The following AIRE variants were observed in gnomAD, a reference collection of about 807,000 sequenced individuals.
The protein encoded by AIRE is autoimmune polyendocrinopathy candidiasis ectodermal dystrophy protein.
AIRE carries 52 observed loss-of-function variants against 62.1 expected under a neutral mutation model. That is an observed-to-expected ratio of 0.84 (90% CI 0.67 to 1.06). The LOEUF is 1.06. Ranked by LOEUF, AIRE falls within the 50% of genes least tolerant of loss-of-function variation. The pLI, the probability that AIRE is intolerant of heterozygous loss-of-function variation, is 0.00. For synonymous variants in AIRE, 342 were observed against 321.6 expected, an observed-to-expected ratio of 1.06 and a Z score of -0.68; for missense variants, 774 against 755.8, an observed-to-expected ratio of 1.02 and a Z score of -0.28.
Position 44,293,083 on chromosome 21 carries a change from C to T in AIRE, c.1186C>T (p.His396Tyr). Reference sequence around the variant, plus strand: ...CATGGACACGACTCTTGTCTACAAGCACCTGCCGGCTCCGCCTTCTGCAGC... The same window carrying T: ...CATGGACACGACTCTTGTCTACAAGTACCTGCCGGCTCCGCCTTCTGCAGC... ...AGMDTTLVYK[H>Y]LPAPPSAAPL... is the part of the protein sequence containing the mutation. Residue 396 changes from histidine to tyrosine, a missense_variant, in exon 10 of 14, where the codon CAC becomes TAC. By Grantham distance (83) the His-to-Tyr change is moderately conservative (BLOSUM62 2). Coordinates refer to ENST00000291582, the MANE Select transcript of AIRE (RefSeq NM_000383.4). 1.2e-6 allele frequency: 2 copies of T among 1,611,450 alleles called. No individual in the cohort carries two copies. The highest frequency in any genetic ancestry group is 8.5e-7 in the Non-Finnish European group (1 of 1,179,512).
Position 44,293,181 on chromosome 21 carries a change from C to T in AIRE, c.1278+6C>T, listed in dbSNP as rs372612211. On this transcript the variant is annotated splice_donor_region_variant and intron_variant, in intron 10 of 13. Coordinates refer to ENST00000291582, the MANE Select transcript of AIRE (RefSeq NM_000383.4). The stretch of plus-strand genomic sequence containing the variant: ...TGGGTCCTGAGGGTCAGCAGGTGAG[C>T]GGGGAGTGGGGGTCAGGGTGGGCTC... 3.6e-5 allele frequency: 56 copies of T among 1,548,510 alleles called. 1 individual carries two copies. Among genetic ancestry groups the T allele is most frequent in the East Asian group, 3.1e-4 (13 of 41,998 alleles).
chr21:44,291,910 T>C lies in AIRE; in HGVS notation c.996-392T>C, dbSNP rs138704900. 5.1e-4 allele frequency among the ~76,000 whole-genome samples: 77 copies of C among 152,292 alleles called. 1 individual carries two copies. The East Asian group carries it at 0.013, about 27-fold the overall frequency. On this transcript the variant is annotated intron_variant, in intron 8 of 13. Transcript: ENST00000291582. Reference sequence around the variant, plus strand: ...ATTGCTCGGCTCCTGAAGCCGTTCCTCCTTGCCGTCTCTTTCTGCCCTTGA... The same window carrying C: ...ATTGCTCGGCTCCTGAAGCCGTTCCCCCTTGCCGTCTCTTTCTGCCCTTGA...
chr21:44,289,224 C>A, intron 5 of AIRE: 1 of 197,480 alleles, frequency 5.1e-6, no homozygotes, highest in Non-Finnish European at 1.0e-5. Context: ...CTTGTGTCTC[C>A]CAGCTGCTGG....
chr21:44,293,759 C>T (rs780825354), intron 10 of AIRE, 30 bp from the exon 11 acceptor site: 22 of 1,595,348 alleles, frequency 1.4e-5, no homozygotes, highest in East Asian at 2.2e-5. Flanking sequence ...CCCGGCCCCC[C>T]GCGTCACCCC....
chr21:44,294,319 C>T (rs41307215), intron 11 of AIRE, 82 bp from the exon 12 acceptor site: 203 of 802,182 alleles, frequency 2.5e-4, no homozygotes, highest in African/African-American at 2.5e-3. Context: ...TCACCACCCA[C>T]GCCCACACCC....
At position 44,296,432 on chromosome 21, in the gene AIRE, C is replaced by T. The variant is rs777798500; in HGVS notation, c.1553C>T (p.Ser518Phe). The part of the protein sequence containing the change: ...EPALHRDDLE[S>F]LLSEHTFDGI... The stretch of plus-strand genomic sequence containing the variant: ...GCTCTGCACAGGGATGACCTGGAGT[C>T]CCTTCTGAGCGAGGTAACGCCTCCC... The change falls in exon 13 of 14, where the codon TCC becomes TTC. Residue 518 changes from serine to phenylalanine, a missense_variant. Physicochemically the swap from Ser to Phe is radical, Grantham distance 155. Transcript: ENST00000291582. 7 of 1,612,390 alleles carry T rather than the reference C, an allele frequency of 4.3e-6. No homozygotes were observed. The highest frequency in any genetic ancestry group is 2.7e-5 in the African/African-American group (2 of 74,874).
Position 44,297,898 on chromosome 21 carries a change from T to C in AIRE, c.*171T>C. ...CTGGGGACACCAGCCATCATGTGCCTGGAAATTAAACCCTGCCCCACTTCT... is the reference window on the plus strand; with the variant it reads ...CTGGGGACACCAGCCATCATGTGCCCGGAAATTAAACCCTGCCCCACTTCT... On this transcript the variant is annotated 3_prime_UTR_variant, in exon 14 of 14. Coordinates refer to ENST00000291582, the MANE Select transcript of AIRE (RefSeq NM_000383.4). The surrounding 1 kb of genome is among the most constrained non-coding windows in gnomAD (Gnocchi z 4.8). 1.5e-6 allele frequency: 1 copy of C among 681,012 alleles called. No individual in the cohort carries two copies. The highest frequency in any genetic ancestry group is 2.2e-5 in the Admixed American group (1 of 46,092). The allele number at this position is 681,012 out of a possible 1,614,324, so 42.2% of individuals were successfully genotyped here.
rs369035241 is a variant in AIRE at position 44,290,832 on chromosome 21, C to G, written c.880-263C>G. ...ATGTGGTTGGTGTACAGTTCCGGGG[C>G]CCCTGGAACGCAGCAGCCTGCAAGA... On this transcript the variant is annotated intron_variant, in intron 7 of 13. Transcript: ENST00000291582. 9.5e-6 allele frequency: 15 copies of G among 1,571,434 alleles called. No individual in the cohort carries two copies. The Admixed American group carries it at 1.4e-4, about 14-fold the overall frequency.
At chr21:44,288,993 C>A in intron 5 of AIRE, 1 of 168,460 alleles carries the variant, frequency 5.9e-6, no homozygotes, top group Non-Finnish European at 1.3e-5. Context: ...CATCTCAAGT[C>A]CCTGACACGG....
chr21:44,289,939 C>A (rs749442335), intron 6 of AIRE, 49 bp from the exon 7 acceptor site: 10 of 1,596,976 alleles, frequency 6.3e-6, no homozygotes, highest in Non-Finnish European at 7.7e-6. Context: ...GCCATGTGCA[C>A]CCTCGCTGCT....
At position 44,290,830 on chromosome 21, in the gene AIRE, G is replaced by A. The variant is rs1222440392; in HGVS notation, c.880-265G>A. The A allele has an allele frequency of 1.9e-6, 3 of 1,570,916 alleles. No individual in the cohort carries two copies. In the South Asian group the frequency reaches 3.3e-5, roughly 17 times the overall value. On this transcript the variant is annotated intron_variant, in intron 7 of 13. Coordinates refer to ENST00000291582, the MANE Select transcript of AIRE (RefSeq NM_000383.4). ...TCATGTGGTTGGTGTACAGTTCCGGGGCCCCTGGAACGCAGCAGCCTGCAA... is the reference window on the plus strand; with the variant it reads ...TCATGTGGTTGGTGTACAGTTCCGGAGCCCCTGGAACGCAGCAGCCTGCAA...
At position 44,296,407 on chromosome 21, in the gene AIRE, G is replaced by C. The variant is rs754625743; in HGVS notation, c.1528G>C (p.Ala510Pro). The C allele has an allele frequency of 8.1e-6, 13 of 1,612,576 alleles. No homozygotes were observed. Among genetic ancestry groups the C allele is most frequent in the Middle Eastern group, 1.7e-4 (1 of 6,054 alleles). Residue 510 changes from alanine to proline, a missense_variant, in exon 13 of 14, where the codon GCT (alanine) becomes CCT (proline). By Grantham distance (27) the Ala-to-Pro change is conservative (BLOSUM62 -1). Coordinates refer to ENST00000291582, the MANE Select transcript of AIRE (RefSeq NM_000383.4). ...GGATGACACTGCCAGTCACGAGCCC[G>C]CTCTGCACAGGGATGACCTGGAGTC... ...AKDDTASHEP[A>P]LHRDDLESLL... is the part of the protein sequence containing the mutation.
At chr21:44,291,065 GT>G in intron 7 of AIRE, 29 bp from the exon 8 acceptor site, 1 of 1,613,422 alleles carries the variant, frequency 6.2e-7, no homozygotes. Flanking sequence ...CCCCAGCCCA[GT>G]CTGCATGGGC....
intron 9 of AIRE, 27 bp from the exon 10 acceptor site, chr21:44,292,966 C>T: frequency 1.9e-6 from 3 of 1,609,540 alleles, no homozygotes; most frequent in Non-Finnish European, 2.5e-6. Context: ...GCCCGCTGCC[C>T]CTCTGATGCT....
At position 44,295,239 on chromosome 21, in the gene AIRE, C is replaced by T. The variant is rs11910369; in HGVS notation, c.1503+736C>T. Reference sequence around the variant, plus strand: ...CCATGCTCTTTCCCAGCTGTGCCTCCGCCCCGTATACACCGTGTGGGTGAC... The same window carrying T: ...CCATGCTCTTTCCCAGCTGTGCCTCTGCCCCGTATACACCGTGTGGGTGAC... On this transcript the variant is annotated intron_variant, in intron 12 of 13. Transcript: ENST00000291582. Among the ~76,000 whole-genome samples, 1,067 of 152,324 alleles carry T rather than the reference C, an allele frequency of 7.0e-3. 16 individuals carry two copies. Among genetic ancestry groups the T allele is most frequent in the African/African-American group, 0.024 (979 of 41,560 alleles).
At position 44,287,474 on chromosome 21, in the gene AIRE, C is replaced by G; in HGVS notation, c.464-43C>G. The stretch of plus-strand genomic sequence containing the variant: ...GCCCCTGCCCACCGGCACTCACCCC[C>G]ACTGAGAGGGGAGGCCAGGCTGCCC... On this transcript the variant is annotated intron_variant, in intron 3 of 13. Coordinates refer to ENST00000291582, the MANE Select transcript of AIRE (RefSeq NM_000383.4). This position sits in a 1 kb window ranked among gnomAD's most constrained non-coding sequence, Gnocchi z 4.3. The G allele has an allele frequency of 7.0e-7, 1 of 1,434,384 alleles. No individual in the cohort carries two copies. The highest frequency in any genetic ancestry group is 9.6e-7 in the Non-Finnish European group (1 of 1,042,686). The allele number at this position is 1,434,384 out of a possible 1,614,324, so 88.9% of individuals were successfully genotyped here.
chr21:44,292,494 C>T, intron 9 of AIRE, 93 bp downstream of exon 9: 1 of 860,796 alleles, frequency 1.2e-6, no homozygotes, highest in South Asian at 1.5e-5. Context: ...GTCCGTCTGT[C>T]CCCTGGAGTC....
Position 44,294,481 on chromosome 21 carries a change from G to T in AIRE, c.1481G>T (p.Arg494Leu), listed in dbSNP as rs528762050. ...VEGVLAPSPA[R>L]LAPGPAKDDT... ...GGGGTGCTGGCCCCCAGCCCCGCCC[G>T]CCTGGCCCCTGGGCCTGCCAAGGTC... The change falls in exon 12 of 14, where the codon CGC becomes CTC. Residue 494 changes from arginine (R) to leucine (L), a missense_variant. Arg to Leu is a moderately radical substitution (Grantham distance 102). This residue lies in a region of AIRE where 354 missense variants were observed against 296.1 expected (regional missense o/e 1.20). Transcript: ENST00000291582. The T allele has an allele frequency of 5.2e-6, 8 of 1,532,604 alleles. No individual in the cohort carries two copies. In the South Asian group the frequency reaches 8.5e-5, roughly 16 times the overall value. The allele number at this position is 1,532,604 out of a possible 1,614,324, so 94.9% of individuals were successfully genotyped here.
In AIRE at chr21:44,285,932, G is replaced by T; in HGVS notation, c.-75G>T. On this transcript the variant is annotated 5_prime_UTR_variant, in exon 1 of 14. Transcript: ENST00000291582. Reference sequence around the variant, plus strand: ...AGGCCCCACAGCCCCGCCGGGACCCGAGGCCAAGCGAGGGGCTGCCAGTGT... The same window carrying T: ...AGGCCCCACAGCCCCGCCGGGACCCTAGGCCAAGCGAGGGGCTGCCAGTGT... 1 of 1,438,982 alleles carries T rather than the reference G, an allele frequency of 6.9e-7. No individual in the cohort carries two copies. Among genetic ancestry groups the T allele is most frequent in the South Asian group, 1.3e-5 (1 of 77,926 alleles). The allele number at this position is 1,438,982 out of a possible 1,614,324, so 89.1% of individuals were successfully genotyped here.
Sources: gnomAD v4.1 joint callset for allele counts (sites outside exome capture counted in the v4.1 genomes callset) on GRCh38, gnomAD v4.1.1 for gene constraint, gnomAD v4.1.1 regional missense constraint, Gnocchi (gnomAD v3.1) non-coding constraint, MANE v1.5 for transcripts, NCBI Gene and HGNC (gene_info 2026-07-23, HGNC 2026-07-21) for gene names.